The following GYS2 variants were observed in gnomAD, a reference collection of about 807,000 sequenced individuals.
GYS2 encodes the protein glycogen synthase 2.
Under a neutral mutation model 85.6 loss-of-function variants are expected in GYS2, and 80 were observed. The ratio of observed to expected loss-of-function variants is 0.93; its 90% confidence interval spans 0.78 to 1.13. The LOEUF is 1.13. Among genes scored for constraint, GYS2 ranks in the 50% most tolerant of loss-of-function variants. The pLI is 0.00. For synonymous variants in GYS2, 328 were observed against 300.7 expected (o/e 1.09, Z -0.94); for missense variants, 881 against 854.9 (o/e 1.03, Z -0.38).
At position 21,559,683 on chromosome 12, in the gene GYS2, C is replaced by G; in HGVS notation, c.1197G>C (p.Lys399Asn). Residue 399 changes from lysine (K) to asparagine (N), a missense_variant, in exon 9 of 16, where the codon AAG becomes AAC. Lys to Asn is a moderately conservative substitution (Grantham distance 94, BLOSUM62 0). Coordinates refer to ENST00000261195, the MANE Select transcript of GYS2 (RefSeq NM_021957.4). ...ATGCATCATAGAGTTTTTTTCCAAA[C>G]TTTTCCTTCACAGAATGTGCAACAT... ...LWDVAHSVKE[K>N]FGKKLYDALL... 1 of 1,595,442 alleles carries G rather than the reference C, an allele frequency of 6.3e-7. No homozygotes were observed. The highest frequency in any genetic ancestry group is 8.6e-7 in the Non-Finnish European group (1 of 1,163,192).
intron 13 of GYS2, among the ~76,000 whole-genome samples, chr12:21,540,823 G>C (rs1039424473): frequency 4.6e-5 from 7 of 152,100 alleles, no homozygotes; most frequent in African/African-American, 1.7e-4. Context: ...GGATACGCTG[G>C]ATCAGTGATC....
In GYS2 at chr12:21,563,293, C is replaced by T. The variant is rs775445078; in HGVS notation, c.876G>A (p.Glu292=). The T allele has an allele frequency of 5.0e-6, 8 of 1,612,812 alleles. No homozygotes were observed. Among genetic ancestry groups the T allele is most frequent in the Non-Finnish European group, 6.8e-6 (8 of 1,178,936 alleles). The change falls in exon 6 of 16, where the codon GAG becomes GAA. Residue 292 remains glutamate, a synonymous_variant. Transcript: ENST00000261195. ...LNVKKFSAVH[E]FQNLHAMYKA... ...TGTACATGGCATGTAGATTTTGAAA[C>T]TCATGCACTGCTGAAAATTTCTTAA...
chr12:21,604,254 T>C (rs1033043280), intron 1 of GYS2, among the ~76,000 whole-genome samples: 1 of 152,196 alleles, frequency 6.6e-6, no homozygotes, highest in African/African-American at 2.4e-5. Flanking sequence ...ATGGCTAATA[T>C]TTTCAACTTT....
chr12:21,545,154 G>A (rs1341061269), intron 12 of GYS2, among the ~76,000 whole-genome samples: 1 of 152,132 alleles, frequency 6.6e-6, no homozygotes, highest in Non-Finnish European at 1.5e-5. Context: ...AAAGTCACAA[G>A]TGAAGAGGCC....
At chr12:21,563,099 A>T in intron 6 of GYS2, 61 bp from the exon 7 acceptor site, 1 of 1,330,790 alleles carries the variant, frequency 7.5e-7, no homozygotes, top group Non-Finnish European at 1.1e-6. Context: ...CAAAATGTAC[A>T]CATGAATTCT....
At chr12:21,597,094 T>C (rs1944705203) in intron 1 of GYS2, among the ~76,000 whole-genome samples, 1 of 151,962 alleles carries the variant, frequency 6.6e-6, no homozygotes, top group Non-Finnish European at 1.5e-5. Flanking sequence ...AACTTAAAAC[T>C]ATAAAACTAC....
At position 21,539,259 on chromosome 12, in the gene GYS2, G is replaced by T; in HGVS notation, c.1889C>A (p.Thr630Lys). Residue 630 changes from threonine to lysine, a missense_variant and splice_region_variant, in exon 15 of 16, where the codon ACG becomes AAG. Physicochemically the swap from Thr to Lys is moderately conservative, Grantham distance 78. Coordinates refer to ENST00000261195, the MANE Select transcript of GYS2 (RefSeq NM_021957.4). ...KFHVELTSPP[T>K]TEGFKYPRPS... is the part of the protein sequence containing the mutation. The stretch of plus-strand genomic sequence containing the variant: ...AAAAAAAATACATTGAATATTTACC[G>T]TTGGTGGTGATGTTAGTTCCACATG... The T allele has an allele frequency of 1.3e-6, 2 of 1,518,708 alleles. No individual in the cohort carries two copies. The highest frequency in any genetic ancestry group is 1.8e-6 in the Non-Finnish European group (2 of 1,093,506). The allele number at this position is 1,518,708 out of a possible 1,614,324, so 94.1% of individuals were successfully genotyped here.
chr12:21,560,950 T>C (rs568461686), intron 7 of GYS2, among the ~76,000 whole-genome samples: 1 of 152,310 alleles, frequency 6.6e-6, no homozygotes, highest in East Asian at 1.9e-4. Context: ...GCTAAAATAA[T>C]ATTTCAATTT....
intron 1 of GYS2, among the ~76,000 whole-genome samples, chr12:21,588,862 C>T (rs769639525): frequency 1.7e-4 from 26 of 152,312 alleles, no homozygotes; most frequent in African/African-American, 6.3e-4. Flanking sequence ...ATAAACTTAG[C>T]CAATTTGCAA....
intron 11 of GYS2, among the ~76,000 whole-genome samples, chr12:21,555,209 A>G (rs1266154484): frequency 2.0e-5 from 3 of 152,208 alleles, no homozygotes; most frequent in African/African-American, 7.2e-5. Context: ...AGGTTAAACT[A>G]TATGAGAATG....
chr12:21,593,035 T>A (rs546794246), intron 1 of GYS2, among the ~76,000 whole-genome samples: 7 of 152,128 alleles, frequency 4.6e-5, no homozygotes, highest in East Asian at 1.9e-4. Flanking sequence ...GAATGAACGT[T>A]ATGTCAAGAA....
At chr12:21,579,142 T>C (rs1392181409) in intron 2 of GYS2, among the ~76,000 whole-genome samples, 2 of 152,180 alleles carry the variant, frequency 1.3e-5, no homozygotes. Context: ...TAATCCCTTC[T>C]TCATACTTAA....
chr12:21,535,706 T>A (rs1030429499), downstream of GYS2, among the ~76,000 whole-genome samples: 1 of 152,196 alleles, frequency 6.6e-6, no homozygotes, highest in African/African-American at 2.4e-5. Context: ...TGATCAATAA[T>A]CCAGCACTGA....
chr12:21,571,672 GA>G lies in GYS2; in HGVS notation c.678+2471del, dbSNP rs537899338. Among the ~76,000 whole-genome samples, 380 of 151,758 alleles carry G rather than the reference GA, an allele frequency of 2.5e-3. 2 individuals carry two copies. Among genetic ancestry groups the G allele is most frequent in the Middle Eastern group, 0.01 (3 of 294 alleles). On this transcript the variant is annotated intron_variant, in intron 4 of 15. Transcript: ENST00000261195. Reference sequence around the variant, plus strand: ...ATCTAGGAAATTCTGCTACAATTAAGAAAAAAAAGGCCGGGAGTGGTGGCTC... The same window carrying G: ...ATCTAGGAAATTCTGCTACAATTAAGAAAAAAAGGCCGGGAGTGGTGGCTC...
At chr12:21,561,415 C>T (rs1473425) in intron 7 of GYS2, among the ~76,000 whole-genome samples, 110,196 of 152,036 alleles carry the variant, frequency 0.72, 40,220 homozygotes, top group South Asian at 0.79. Flanking sequence ...TATGCAGCCT[C>T]GGCCCTCTAG....
In GYS2 at chr12:21,580,469, C is replaced by G. The variant is rs201868350; in HGVS notation, c.176G>C (p.Trp59Ser). The change falls in exon 2 of 16, where the codon TGG (tryptophan) becomes TCG (serine). Residue 59 changes from tryptophan to serine, a missense_variant. Coordinates refer to ENST00000261195, the MANE Select transcript of GYS2 (RefSeq NM_021957.4). ...ACCTATCAGAAAATAGTTCTCTCCC[C>G]ATTCATCTGCTGTTGTTTTGGCCTT... Reference protein sequence around the residue: ...QTKAKTTADEWGENYFLIGPY... With the variant: ...QTKAKTTADESGENYFLIGPY... 3 of 1,613,512 alleles carry G rather than the reference C, an allele frequency of 1.9e-6. No individual in the cohort carries two copies.
At position 21,574,342 on chromosome 12, in the gene GYS2, A is replaced by G; in HGVS notation, c.496-16T>C. ...GATCTGTCACCTACATTAGGAAAAA[A>G]AAAGCATTCAGAAAAGTTGTTGATG... On this transcript the variant is annotated splice_polypyrimidine_tract_variant and intron_variant, in intron 3 of 15. Coordinates refer to ENST00000261195, the MANE Select transcript of GYS2 (RefSeq NM_021957.4). 1 of 1,607,104 alleles carries G rather than the reference A, an allele frequency of 6.2e-7. No individual in the cohort carries two copies. Among genetic ancestry groups the G allele is most frequent in the East Asian group, 2.2e-5 (1 of 44,832 alleles).
At position 21,559,196 on chromosome 12, in the gene GYS2, A is replaced by G. The variant is rs751890643; in HGVS notation, c.1230-27T>C. The G allele has an allele frequency of 1.2e-5, 16 of 1,306,592 alleles. No individual in the cohort carries two copies. The Middle Eastern group carries it at 5.6e-4, about 46-fold the overall frequency. 80.9% of individuals were successfully genotyped at this position (1,306,592 alleles called of 1,614,324 possible). A position where few individuals can be genotyped will look rare whatever the true frequency, so the allele number is the denominator to read the frequency against. On this transcript the variant is annotated intron_variant, in intron 9 of 15. Transcript: ENST00000261195. The stretch of plus-strand genomic sequence containing the variant: ...TGCAGGGAAAAAATGTTAATAACAA[A>G]AATAAAAACAGCTGGCACTAATTCA...
At chr12:21,596,951 C>G (rs1944703466) in intron 1 of GYS2, among the ~76,000 whole-genome samples, 1 of 152,066 alleles carries the variant, frequency 6.6e-6, no homozygotes, top group Admixed American at 6.6e-5. Flanking sequence ...TTCTATACAC[C>G]AACAGCAACC....
Sources: gnomAD v4.1 joint callset for allele counts (sites outside exome capture counted in the v4.1 genomes callset) on GRCh38, gnomAD v4.1.1 for gene constraint, MANE v1.5 for transcripts, NCBI Gene and HGNC (gene_info 2026-07-23, HGNC 2026-07-21) for gene names.